Variants in PCDHA7 observed in about 807,000 individuals in gnomAD.
PCDHA7 encodes the protein protocadherin alpha 7, also known as protocadherin alpha-7.
In PCDHA7, 37 loss-of-function variants were observed where a neutral mutation model predicts 57.2. The ratio of observed to expected loss-of-function variants is 0.65; its 90% CI spans 0.50 to 0.85. PCDHA7 has a LOEUF of 0.85. Among genes scored for constraint, PCDHA7 ranks in the 40% least tolerant of loss-of-function variants. The pLI, the probability that PCDHA7 is intolerant of heterozygous loss-of-function variation, is 0.00. For missense variants in PCDHA7, 1,188 were observed against 1,241.8 expected (o/e 0.96, Z 0.65); for synonymous variants, 553 against 558.8 (o/e 0.99, Z 0.15).
intron 1 of PCDHA7, among the ~76,000 whole-genome samples, chr5:140,935,722 G>A (rs1230672751): frequency 6.6e-6 from 1 of 152,006 alleles, no homozygotes; most frequent in Non-Finnish European, 1.5e-5. Context: ...TATATTTAGA[G>A]AAGTCTAGTA....
chr5:140,999,550 G>A (rs1250301883), intron 3 of PCDHA7, among the ~76,000 whole-genome samples: 2 of 152,120 alleles, frequency 1.3e-5, no homozygotes, highest in African/African-American at 4.8e-5. Context: ...CCAATGAAGA[G>A]GGGGTATTTT....
intron 1 of PCDHA7, among the ~76,000 whole-genome samples, chr5:140,879,169 T>C (rs2057884518): frequency 6.6e-6 from 1 of 152,156 alleles, no homozygotes; most frequent in Non-Finnish European, 1.5e-5. Flanking sequence ...TTTTAATAAA[T>C]TAGGTATCAA....
intron 1 of PCDHA7, chr5:140,848,593 A>T: frequency 1.3e-6 from 2 of 1,593,964 alleles, no homozygotes; most frequent in Non-Finnish European, 1.7e-6. Context: ...CAGCTCCACT[A>T]CTCCGTCCCG....
In PCDHA7 at chr5:140,900,301, C is replaced by CAG. The variant is rs1168626144; in HGVS notation, c.2355+63564_2355+63565dup. Among the ~76,000 whole-genome samples the CAG allele has an allele frequency of 1.4e-4, 22 of 152,156 alleles. No homozygotes were observed. The East Asian group carries it at 4.1e-3, about 28-fold the overall frequency. On this transcript the variant is annotated intron_variant, in intron 1 of 3. Coordinates refer to ENST00000525929, the MANE Select transcript of PCDHA7 (RefSeq NM_018910.3). ...ACACTTTCTTTTCTGTTTTTTTAGACAGTCTCACTTTTGTCGCCCAGGCTG... is the reference window on the plus strand; with the variant it reads ...ACACTTTCTTTTCTGTTTTTTTAGACAGAGTCTCACTTTTGTCGCCCAGGCTG...
At chr5:140,988,026 T>A (rs1405610277) in intron 3 of PCDHA7, among the ~76,000 whole-genome samples, 1 of 152,152 alleles carries the variant, frequency 6.6e-6, no homozygotes, top group Non-Finnish European at 1.5e-5. Context: ...GATTCTTAAG[T>A]TTTTTAGAAT....
chr5:140,903,402 G>T (rs1293264385), intron 1 of PCDHA7, among the ~76,000 whole-genome samples: 6 of 152,192 alleles, frequency 3.9e-5, no homozygotes, highest in Non-Finnish European at 5.9e-5. Context: ...AAACAGTAGT[G>T]CAGTCAGGAA....
At chr5:140,978,909 C>G (rs782321430) in intron 1 of PCDHA7, 40 bp from the exon 2 acceptor site, 2 of 1,613,660 alleles carry the variant, frequency 1.2e-6, no homozygotes, top group South Asian at 2.2e-5. Context: ...AGAACATTGT[C>G]TTGTCATTTT....
At chr5:140,927,108 C>T (rs782811125) in intron 1 of PCDHA7, 6 of 1,613,528 alleles carry the variant, frequency 3.7e-6, no homozygotes, top group African/African-American at 1.3e-5. Context: ...ATCTACCCAG[C>T]GGCAATTTGG....
chr5:140,869,722 G>A, intron 1 of PCDHA7: 2 of 1,613,324 alleles, frequency 1.2e-6, no homozygotes, highest in Non-Finnish European at 1.7e-6. Flanking sequence ...GAAAACTCCG[G>A]AACTTAATTT....
chr5:140,861,234 C>T (rs868927537), intron 1 of PCDHA7: 7 of 166,456 alleles, frequency 4.2e-5, no homozygotes, highest in Middle Eastern at 2.9e-3. Context: ...ATTTTAGCTG[C>T]TAGACAAAGT....
chr5:141,005,701 C>CAAAA (rs59860837), intron 3 of PCDHA7, among the ~76,000 whole-genome samples: 118 of 7,756 alleles, frequency 0.015, 2 homozygotes, highest in East Asian at 0.044. Flanking sequence ...AACTCCGTCT[C>CAAAA]AAAAAAAAAA....
At chr5:140,905,990 G>A (rs569951946) in intron 1 of PCDHA7, among the ~76,000 whole-genome samples, 5 of 152,280 alleles carry the variant, frequency 3.3e-5, no homozygotes, top group Admixed American at 1.3e-4. Flanking sequence ...GAAAGATGTA[G>A]GCTGGGAGGC....
chr5:140,967,146 A>C, intron 1 of PCDHA7: 1 of 1,610,972 alleles, frequency 6.2e-7, no homozygotes, highest in Non-Finnish European at 8.5e-7. Flanking sequence ...CTGGCGCACA[A>C]CCCCGTGGCG....
At chr5:140,886,368 C>T (rs1174734883) in intron 1 of PCDHA7, among the ~76,000 whole-genome samples, 2 of 152,040 alleles carry the variant, frequency 1.3e-5, no homozygotes, top group South Asian at 4.1e-4. Context: ...GGTGTACATG[C>T]CATGGTGTGC....
intron 3 of PCDHA7, among the ~76,000 whole-genome samples, chr5:141,000,248 C>T (rs1027764843): frequency 2.6e-5 from 4 of 151,280 alleles, no homozygotes; most frequent in Non-Finnish European, 4.4e-5. Context: ...GTGGCTGACA[C>T]CTGTGATCCT....
intron 1 of PCDHA7, among the ~76,000 whole-genome samples, chr5:140,920,648 A>G (rs1465559942): frequency 1.3e-5 from 2 of 152,148 alleles, no homozygotes; most frequent in Non-Finnish European, 2.9e-5. Flanking sequence ...GATTGAGACC[A>G]TCCTTGCCAA....
chr5:140,961,599 G>A (rs1012408317), intron 1 of PCDHA7, among the ~76,000 whole-genome samples: 3 of 152,062 alleles, frequency 2.0e-5, no homozygotes, highest in Non-Finnish European at 4.4e-5. Flanking sequence ...AATGATTCTA[G>A]TAAATGAAAC....
chr5:140,982,340 G>C (rs1186327832), intron 2 of PCDHA7, 135 bp from the exon 3 acceptor site: 1 of 1,458,038 alleles, frequency 6.9e-7, no homozygotes, highest in East Asian at 2.5e-5. Flanking sequence ...AGCAGTAATT[G>C]CTTCAGTTCA....
chr5:140,871,022 A>ACT, intron 1 of PCDHA7: 1 of 1,613,114 alleles, frequency 6.2e-7, no homozygotes, highest in Non-Finnish European at 8.5e-7. Flanking sequence ...GACGAGGCAG[A>ACT]CTCGCCGCGC....
Sources: allele counts gnomAD v4.1 joint callset (sites outside exome capture counted in the v4.1 genomes callset), GRCh38; gene constraint gnomAD v4.1.1; transcripts MANE v1.5; gene names NCBI Gene and HGNC (gene_info 2026-07-23, HGNC 2026-07-21).